Variants in ZNF280C observed in about 807,000 individuals in gnomAD.
ZNF280C encodes the protein suppressor of hairy wing homolog 3.
A neutral mutation model predicts 53.6 loss-of-function variants in ZNF280C; 14 were observed. The observed-to-expected ratio is 0.26, with a 90% CI of 0.17 to 0.41. ZNF280C has a LOEUF of 0.41. Among genes scored for constraint, ZNF280C ranks in the 10% least tolerant of loss-of-function variants. ZNF280C has a pLI of 1.00. For missense variants in ZNF280C, 416 were observed against 547.1 expected (o/e 0.76, Z 2.39); for synonymous variants, 203 against 181.1 (o/e 1.12, Z -0.97).
chrX:130,226,427 C>T (rs2032221727), intron 12 of ZNF280C, among the ~76,000 whole-genome samples: 1 of 111,758 alleles, frequency 8.9e-6, no homozygotes, highest in South Asian at 3.8e-4. Flanking sequence ...ACCCTTAGGT[C>T]CTGAAATATC....
At chrX:130,259,222 T>C (rs978911209) in intron 2 of ZNF280C, among the ~76,000 whole-genome samples, 4 of 112,397 alleles carry the variant, frequency 3.6e-5, no homozygotes, top group African/African-American at 1.3e-4. Flanking sequence ...AAAACATATT[T>C]TCTTTCTTTG....
At chrX:130,257,199 A>C (rs1311358125) in intron 2 of ZNF280C, among the ~76,000 whole-genome samples, 2 of 1,884 alleles carry the variant, frequency 1.1e-3, no homozygotes, top group Non-Finnish European at 3.1e-3. Flanking sequence ...ACTCTGTCTC[A>C]AAAAAAAAAA....
intron 13 of ZNF280C, among the ~76,000 whole-genome samples, chrX:130,218,612 G>C (rs1391987665): frequency 1.8e-5 from 2 of 112,053 alleles, no homozygotes; most frequent in African/African-American, 6.5e-5. Flanking sequence ...AGCAGAACTT[G>C]TTAGCTTGCA....
chrX:130,228,897 G>T, intron 10 of ZNF280C, 80 bp downstream of exon 10: 7 of 932,557 alleles, frequency 7.5e-6, no homozygotes, highest in East Asian at 6.8e-5. Flanking sequence ...ATTTTTTTCT[G>T]CCAGAATTTT....
At chrX:130,217,499 G>A (rs1343722191) in intron 13 of ZNF280C, among the ~76,000 whole-genome samples, 1 of 111,922 alleles carries the variant, frequency 8.9e-6, no homozygotes, top group African/African-American at 3.2e-5. Context: ...TGATAAAAAT[G>A]TTTTAAAATT....
At chrX:130,236,733 A>C in intron 6 of ZNF280C, 94 bp from the exon 7 acceptor site, 1 of 546,810 alleles carries the variant, frequency 1.8e-6, no homozygotes, top group Non-Finnish European at 2.8e-6. Flanking sequence ...CTTTACATTT[A>C]AAACTGAGCA....
chrX:130,232,766 A>T (rs1365846249), intron 8 of ZNF280C, among the ~76,000 whole-genome samples: 12 of 112,163 alleles, frequency 1.1e-4, no homozygotes, highest in African/African-American at 3.9e-4. Flanking sequence ...GCTATGGAAG[A>T]CATGGGAGGT....
At chrX:130,238,804 G>A (rs1249830546) in intron 6 of ZNF280C, among the ~76,000 whole-genome samples, 5 of 111,038 alleles carry the variant, frequency 4.5e-5, no homozygotes, top group African/African-American at 1.6e-4. Context: ...TTTTGTTTTG[G>A]TTTGGTAAAG....
At chrX:130,267,816 T>C (rs1489749576) in intron 1 of ZNF280C, among the ~76,000 whole-genome samples, 1 of 111,869 alleles carries the variant, frequency 8.9e-6, no homozygotes, top group African/African-American at 3.3e-5. Context: ...TTAGGGGCAC[T>C]AAAAGACATT....
intron 2 of ZNF280C, among the ~76,000 whole-genome samples, chrX:130,250,882 G>T (rs2032499920): frequency 9.0e-6 from 1 of 110,561 alleles, no homozygotes; most frequent in Admixed American, 9.7e-5. Context: ...TTAACTTGAG[G>T]CCAGGAGTTC....
At position 130,230,615 on chromosome X, in the gene ZNF280C, T is replaced by C. The variant is rs1035077065; in HGVS notation, c.884A>G (p.Asn295Ser). ...TTCATGCCTTCCATAATAAAACTCATTGACTAACATGATCAACTTTCCTGT... is the reference window on the plus strand; with the variant it reads ...TTCATGCCTTCCATAATAAAACTCACTGACTAACATGATCAACTTTCCTGT... ...SETGKLIMLV[N>S]EFYYGRHEGV... The change falls in exon 9 of 19, where the codon AAT (asparagine) becomes AGT (serine). Residue 295 changes from asparagine (N) to serine (S), a missense_variant. Coordinates refer to ENST00000370978, the MANE Select transcript of ZNF280C (RefSeq NM_017666.5). 3.3e-6 allele frequency: 4 copies of C among 1,206,995 alleles called. No individual in the cohort carries two copies. The highest frequency in any genetic ancestry group is 1.7e-5 in the African/African-American group (1 of 57,277).
At chrX:130,215,354 A>G (rs760912583) in intron 14 of ZNF280C, 21 bp from the exon 15 acceptor site, 21 of 1,132,323 alleles carry the variant, frequency 1.9e-5, no homozygotes, top group East Asian at 3.1e-5. Flanking sequence ...CGGAAAAAAA[A>G]GATAAAAAGA....
Position 130,206,600 on chromosome X carries a change from T to C in ZNF280C, c.2043-1185A>G, listed in dbSNP as rs749792925. Among the ~76,000 whole-genome samples, 87 of 111,175 alleles carry C rather than the reference T, an allele frequency of 7.8e-4. 2 individuals carry two copies. Among genetic ancestry groups the C allele is most frequent in the African/African-American group, 2.7e-3 (82 of 30,614 alleles). ...CCAGGATGGTCTCAATCTCCTGACC[T>C]CGTGATCCACCCGCCTCGGCCTCCC... is the stretch of plus-strand genomic sequence containing the variant. On this transcript the variant is annotated intron_variant, in intron 16 of 18. Coordinates refer to ENST00000370978, the MANE Select transcript of ZNF280C (RefSeq NM_017666.5).
intron 3 of ZNF280C, among the ~76,000 whole-genome samples, chrX:130,245,336 T>C (rs1016704541): frequency 6.3e-5 from 7 of 111,818 alleles, no homozygotes; most frequent in Non-Finnish European, 1.1e-4. Flanking sequence ...TTTTGAAATA[T>C]GGTAATATTT....
intron 13 of ZNF280C, among the ~76,000 whole-genome samples, chrX:130,217,324 T>C (rs2032115095): frequency 8.9e-6 from 1 of 111,978 alleles, no homozygotes; most frequent in African/African-American, 3.2e-5. Flanking sequence ...AACATTATGC[T>C]AAGCGAAAGA....
Position 130,220,347 on chromosome X carries a change from A to G in ZNF280C, c.1527+2T>C. 1 of 1,123,578 alleles carries G rather than the reference A, an allele frequency of 8.9e-7. No homozygotes were observed. Among genetic ancestry groups the G allele is most frequent in the Non-Finnish European group, 1.2e-6 (1 of 852,718 alleles). 92.6% of individuals were successfully genotyped at this position (1,123,578 alleles called of 1,213,427 possible). On this transcript the variant is annotated splice_donor_variant, in intron 13 of 18. Coordinates refer to ENST00000370978, the MANE Select transcript of ZNF280C (RefSeq NM_017666.5). LOFTEE classifies it high-confidence loss of function. ...CCACCAAAAACTCCCTCACAAACTCACTTTTGCTCCAGGAGGCAATCCTTC... is the reference window on the plus strand; with the variant it reads ...CCACCAAAAACTCCCTCACAAACTCGCTTTTGCTCCAGGAGGCAATCCTTC...
chrX:130,236,240 A>G lies in ZNF280C; in HGVS notation c.745T>C (p.Leu249=). 8.3e-7 allele frequency: 1 copy of G among 1,203,907 alleles called. No individual in the cohort carries two copies. The highest frequency in any genetic ancestry group is 1.1e-6 in the Non-Finnish European group (1 of 891,670). ...CPKCNVQFNL[L]DPLKYHMKHC... is the part of the protein sequence containing the mutation. ...TTCATGTGGTATTTCAAAGGATCCA[A>G]AAGATTGAACTGAACATTGCACTTT... The change falls in exon 8 of 19, where the codon TTG becomes CTG. Residue 249 remains leucine, a synonymous_variant. Transcript: ENST00000370978.
At chrX:130,259,037 A>G (rs1472301303) in intron 2 of ZNF280C, among the ~76,000 whole-genome samples, 1 of 111,790 alleles carries the variant, frequency 8.9e-6, no homozygotes, top group Non-Finnish European at 1.9e-5. Context: ...TCCAACTCTT[A>G]GTTCAATTAT....
At chrX:130,206,990 T>C (rs141426938) in intron 16 of ZNF280C, among the ~76,000 whole-genome samples, 7 of 112,106 alleles carry the variant, frequency 6.2e-5, no homozygotes, top group African/African-American at 1.9e-4. Context: ...GCTACAATTA[T>C]TACCTTTTTA....
Sources: gnomAD v4.1 joint callset for allele counts (sites outside exome capture counted in the v4.1 genomes callset) on GRCh38, gnomAD v4.1.1 for gene constraint, MANE v1.5 for transcripts, NCBI Gene and HGNC (gene_info 2026-07-23, HGNC 2026-07-21) for gene names.